Variants in PAG1 observed in about 807,000 individuals in gnomAD.
PAG1 encodes phosphoprotein associated with glycosphingolipid-enriched microdomains 1.
In PAG1, 23 loss-of-function variants were observed where a neutral mutation model predicts 31.7. That is an observed-to-expected ratio of 0.73 (90% CI 0.52 to 1.03). PAG1 has a LOEUF of 1.03. PAG1 is among the 50% of genes least tolerant of loss of function. PAG1 has a pLI of 0.00. For missense variants in PAG1, 473 were observed against 540.7 expected (o/e 0.87, Z 1.24); for synonymous variants, 214 against 210.3 (o/e 1.02, Z -0.15).
intron 3 of PAG1, among the ~76,000 whole-genome samples, chr8:81,016,828 A>G (rs1451547829): frequency 1.3e-5 from 2 of 152,154 alleles, no homozygotes; most frequent in Non-Finnish European, 2.9e-5. Flanking sequence ...TGGTGTGCCC[A>G]TTCTCACACC....
At chr8:81,012,513 G>A (rs1027337272) in intron 3 of PAG1, among the ~76,000 whole-genome samples, 5 of 152,174 alleles carry the variant, frequency 3.3e-5, no homozygotes, top group African/African-American at 9.7e-5. Context: ...TAGGCACCCA[G>A]TAAATATTAA....
intron 3 of PAG1, among the ~76,000 whole-genome samples, chr8:81,009,801 G>C (rs536536759): frequency 6.6e-6 from 1 of 152,322 alleles, no homozygotes; most frequent in African/African-American, 2.4e-5. Flanking sequence ...GTATTGTTGA[G>C]ATGGAATTTA....
At chr8:81,093,556 T>C (rs1809480836) in intron 1 of PAG1, among the ~76,000 whole-genome samples, 1 of 152,006 alleles carries the variant, frequency 6.6e-6, no homozygotes, top group Admixed American at 6.6e-5. Context: ...TAGACACAAA[T>C]GTAGGCACAG....
chr8:80,969,128 T>G lies in PAG1; in HGVS notation c.*7416A>C, dbSNP rs1289355110. 2 of 152,258 alleles carry G rather than the reference T, an allele frequency of 1.3e-5. No individual in the cohort carries two copies. The highest frequency in any genetic ancestry group is 4.8e-5 in the African/African-American group (2 of 41,448). 9.4% of individuals were successfully genotyped at this position (152,258 alleles called of 1,614,324 possible). A position where few individuals can be genotyped will look rare whatever the true frequency, so the allele number is the denominator to read the frequency against. ...CTTCTCCTCAAGACATGAGCATTGC[T>G]GCAGGCATGGCCATCTTCCAGGACA... On this transcript the variant is annotated 3_prime_UTR_variant, in exon 9 of 9. Coordinates refer to ENST00000220597, the MANE Select transcript of PAG1 (RefSeq NM_018440.4).
At chr8:81,051,463 T>C (rs1227318011) in intron 2 of PAG1, among the ~76,000 whole-genome samples, 1 of 152,192 alleles carries the variant, frequency 6.6e-6, no homozygotes, top group Non-Finnish European at 1.5e-5. Context: ...TTATTGCACA[T>C]ATATAAGATT....
chr8:81,107,882 G>T (rs1449416714), intron 1 of PAG1, among the ~76,000 whole-genome samples: 1 of 152,192 alleles, frequency 6.6e-6, no homozygotes, highest in Admixed American at 6.5e-5. Context: ...AATGCATGAG[G>T]CAGGAGCTCT....
Position 80,997,273 on chromosome 8 carries a change from G to C in PAG1, c.-80-3966C>G, listed in dbSNP as rs75807869. Among the ~76,000 whole-genome samples, 1,055 of 152,158 alleles carry C rather than the reference G, an allele frequency of 6.9e-3. 18 individuals carry two copies. Among genetic ancestry groups the C allele is most frequent in the African/African-American group, 0.024 (991 of 41,506 alleles). ...GCATTCAACTATATAATATTACATA[G>C]AATATTATTTCTTCTTTTTTTTGAG... On this transcript the variant is annotated intron_variant, in intron 3 of 8. Transcript: ENST00000220597.
intron 2 of PAG1, among the ~76,000 whole-genome samples, chr8:81,064,539 T>C (rs1405144131): frequency 2.0e-5 from 3 of 152,198 alleles, no homozygotes; most frequent in Non-Finnish European, 2.9e-5. Flanking sequence ...ATTGGAAGAA[T>C]GTAAAAAAAG....
Position 80,980,462 on chromosome 8 carries a change from T to C in PAG1, c.909A>G (p.Glu303=), listed in dbSNP as rs753258203. 7 of 1,607,506 alleles carry C rather than the reference T, an allele frequency of 4.4e-6. No individual in the cohort carries two copies. The highest frequency in any genetic ancestry group is 1.3e-5 in the African/African-American group (1 of 74,962). Reference sequence around the variant, plus strand: ...CTTCTTCTGTGAGAGTGGGGTCTTCTTCCCGAGACTTGTATGACAATGAGC... The same window carrying C: ...CTTCTTCTGTGAGAGTGGGGTCTTCCTCCCGAGACTTGTATGACAATGAGC... ...RFSSLSYKSR[E]EDPTLTEEEI... is the part of the protein sequence containing the mutation. Residue 303 remains glutamate, a synonymous_variant, in exon 8 of 9, where the codon GAA becomes GAG. Transcript: ENST00000220597.
At chr8:81,060,237 T>C (rs1026628640) in intron 2 of PAG1, among the ~76,000 whole-genome samples, 1 of 152,182 alleles carries the variant, frequency 6.6e-6, no homozygotes, top group Non-Finnish European at 1.5e-5. Flanking sequence ...GCATCTAGCT[T>C]TTTTATAAAA....
In PAG1 at chr8:80,976,783, A is replaced by T; in HGVS notation, c.1060T>A (p.Ser354Thr). 2 of 1,613,202 alleles carry T rather than the reference A, an allele frequency of 1.2e-6. No homozygotes were observed. Among genetic ancestry groups the T allele is most frequent in the Non-Finnish European group, 1.7e-6 (2 of 1,179,472 alleles). The change falls in exon 9 of 9, where the codon TCC becomes ACC. Residue 354 changes from serine (S) to threonine (T), a missense_variant. Ser to Thr is a moderately conservative substitution (Grantham distance 58). Coordinates refer to ENST00000220597, the MANE Select transcript of PAG1 (RefSeq NM_018440.4). The stretch of plus-strand genomic sequence containing the variant: ...ACAGTAGCATAGAGATCATTACAGG[A>T]GGAGGGTGACCTCTGTGGGTCCCCT... ...IQGDPQRSPS[S>T]CNDLYATVKD...
chr8:81,043,125 C>T (rs563472404), intron 2 of PAG1, among the ~76,000 whole-genome samples: 1 of 152,226 alleles, frequency 6.6e-6, no homozygotes, highest in Non-Finnish European at 1.5e-5. Context: ...CCTATCCCAT[C>T]CCTTCCACCC....
chr8:81,019,515 CAACA>C (rs1389593470), intron 3 of PAG1, among the ~76,000 whole-genome samples: 1 of 152,220 alleles, frequency 6.6e-6, no homozygotes, highest in Non-Finnish European at 1.5e-5. Flanking sequence ...TAAAAGGGGC[CAACA>C]TACAGCTCAG....
At chr8:81,009,290 G>T (rs1807939458) in intron 3 of PAG1, among the ~76,000 whole-genome samples, 1 of 152,106 alleles carries the variant, frequency 6.6e-6, no homozygotes, top group African/African-American at 2.4e-5. Flanking sequence ...CTGAATAATG[G>T]ATACATGAAA....
At chr8:81,053,885 C>G (rs77984981) in intron 2 of PAG1, among the ~76,000 whole-genome samples, 1 of 152,098 alleles carries the variant, frequency 6.6e-6, no homozygotes, top group East Asian at 1.9e-4. Context: ...TCAGGGTATG[C>G]GAATGCTTTC....
intron 3 of PAG1, among the ~76,000 whole-genome samples, chr8:81,024,384 G>A (rs905357063): frequency 1.3e-5 from 2 of 152,114 alleles, no homozygotes; most frequent in African/African-American, 2.4e-5. Context: ...TGACACCCCC[G>A]GGCTCCTGGC....
At chr8:81,050,544 A>T (rs1480155054) in intron 2 of PAG1, among the ~76,000 whole-genome samples, 1 of 152,200 alleles carries the variant, frequency 6.6e-6, no homozygotes, top group Non-Finnish European at 1.5e-5. Flanking sequence ...ATAAAATGCC[A>T]TAAGACATGG....
intron 6 of PAG1, 79 bp downstream of exon 6, chr8:80,987,291 T>G: frequency 2.3e-6 from 2 of 880,800 alleles, no homozygotes; most frequent in Non-Finnish European, 3.8e-6. Flanking sequence ...TCCTACTTTT[T>G]GAGCTATGTA....
At chr8:80,994,655 C>T (rs1453176992) in intron 3 of PAG1, among the ~76,000 whole-genome samples, 1 of 152,216 alleles carries the variant, frequency 6.6e-6, no homozygotes, top group East Asian at 1.9e-4. Context: ...TGTGGGGATG[C>T]TGGGACTCAC....
Sources: allele counts gnomAD v4.1 joint callset (sites outside exome capture counted in the v4.1 genomes callset), GRCh38; gene constraint gnomAD v4.1.1; transcripts MANE v1.5; gene names NCBI Gene and HGNC (gene_info 2026-07-23, HGNC 2026-07-21).